Variants in ELMO1 observed in about 807,000 individuals in gnomAD.
ELMO1 encodes the protein engulfment and cell motility 1.
Under a neutral mutation model 98.9 loss-of-function variants are expected in ELMO1, and 26 were observed. That is an observed-to-expected ratio of 0.26 (90% confidence interval 0.19 to 0.36). The LOEUF is 0.36. Ranked by LOEUF, ELMO1 falls within the 10% of genes least tolerant of loss-of-function variation. The pLI, the probability that ELMO1 is intolerant of heterozygous loss-of-function variation, is 1.00. For synonymous variants in ELMO1, 346 were observed against 346.0 expected (o/e 1.00, Z 0.00); for missense variants, 627 against 935.2 (o/e 0.67, Z 4.30).
chr7:37,249,147 A>G (rs1795179947), intron 6 of ELMO1, among the ~76,000 whole-genome samples: 1 of 152,230 alleles, frequency 6.6e-6, no homozygotes, highest in African/African-American at 2.4e-5. Context: ...GCTATACCTC[A>G]GTTTTCACAA....
chr7:37,074,780 C>G (rs1293969317), intron 15 of ELMO1, among the ~76,000 whole-genome samples: 1 of 152,116 alleles, frequency 6.6e-6, no homozygotes, highest in Admixed American at 6.5e-5. Flanking sequence ...GGAGGTTTAG[C>G]TTGTTTAGGG....
chr7:36,894,580 A>G (rs1454843998), intron 17 of ELMO1, among the ~76,000 whole-genome samples: 2 of 152,190 alleles, frequency 1.3e-5, no homozygotes, highest in African/African-American at 4.8e-5. Context: ...AAAAGGTCCA[A>G]ACTTTTAATC....
intron 11 of ELMO1, 138 bp downstream of exon 11, chr7:37,216,507 T>C: frequency 2.0e-6 from 2 of 990,780 alleles, no homozygotes; most frequent in Non-Finnish European, 3.1e-6. Context: ...ACTCACTTTT[T>C]CCTTCATTAG....
chr7:37,173,502 T>C (rs1361856423), intron 13 of ELMO1, among the ~76,000 whole-genome samples: 1 of 152,176 alleles, frequency 6.6e-6, no homozygotes, highest in Non-Finnish European at 1.5e-5. Flanking sequence ...AATTAAGTAG[T>C]GAAGCTACAT....
intron 1 of ELMO1, among the ~76,000 whole-genome samples, chr7:37,413,789 T>C (rs1023189079): frequency 1.1e-4 from 16 of 152,264 alleles, no homozygotes; most frequent in African/African-American, 3.6e-4. Context: ...GCAATTCTTG[T>C]GCCTCCGCCG....
At chr7:37,171,674 A>C (rs62459309) in intron 13 of ELMO1, among the ~76,000 whole-genome samples, 1 of 151,380 alleles carries the variant, frequency 6.6e-6, no homozygotes, top group Admixed American at 6.6e-5. Context: ...TTGTATTTTT[A>C]GTGGAGACGG....
chr7:36,964,716 ACTTC>A (rs1562861678), intron 16 of ELMO1, among the ~76,000 whole-genome samples: 1 of 152,172 alleles, frequency 6.6e-6, no homozygotes, highest in Non-Finnish European at 1.5e-5. Context: ...CAGTTAACCT[ACTTC>A]CTTCCTCCTC....
intron 1 of ELMO1, among the ~76,000 whole-genome samples, chr7:37,346,575 C>T (rs1016827767): frequency 1.8e-4 from 27 of 152,134 alleles, no homozygotes; most frequent in South Asian, 6.2e-4. Context: ...AAGAACAATG[C>T]GTTTTATCTG....
At chr7:37,197,752 A>C (rs1792057797) in intron 13 of ELMO1, among the ~76,000 whole-genome samples, 2 of 152,176 alleles carry the variant, frequency 1.3e-5, no homozygotes, top group African/African-American at 2.4e-5. Flanking sequence ...GGGTGCTTTG[A>C]TATGATCCTA....
chr7:37,220,934 C>G (rs1404932494), intron 10 of ELMO1, among the ~76,000 whole-genome samples: 1 of 152,166 alleles, frequency 6.6e-6, no homozygotes, highest in Non-Finnish European at 1.5e-5. Flanking sequence ...GCAGAAGGAC[C>G]CCGTTGCTCC....
chr7:37,441,374 G>C (rs529498110), intron 1 of ELMO1, among the ~76,000 whole-genome samples: 3 of 152,176 alleles, frequency 2.0e-5, no homozygotes, highest in Non-Finnish European at 4.4e-5. Flanking sequence ...GCAAGATTAG[G>C]ACAGAAATCT....
chr7:37,327,164 T>C (rs901188654), intron 2 of ELMO1, among the ~76,000 whole-genome samples: 4 of 152,250 alleles, frequency 2.6e-5, no homozygotes, highest in African/African-American at 7.2e-5. Context: ...AGAAGGCCAC[T>C]GCACTCCACC....
At chr7:37,238,030 C>T (rs1794572378) in intron 7 of ELMO1, among the ~76,000 whole-genome samples, 1 of 152,192 alleles carries the variant, frequency 6.6e-6, no homozygotes, top group Non-Finnish European at 1.5e-5. Context: ...CCACACATTA[C>T]CAGTGGTTTT....
At chr7:37,261,991 C>T (rs1309443165) in intron 5 of ELMO1, among the ~76,000 whole-genome samples, 1 of 152,094 alleles carries the variant, frequency 6.6e-6, no homozygotes, top group African/African-American at 2.4e-5. Context: ...AATGTGCTTG[C>T]CCTTTTAAAA....
At chr7:36,942,488 G>T (rs1418638036) in intron 16 of ELMO1, among the ~76,000 whole-genome samples, 1 of 152,204 alleles carries the variant, frequency 6.6e-6, no homozygotes, top group Non-Finnish European at 1.5e-5. Context: ...TCTGTCTCAG[G>T]AGACAGGTGG....
intron 18 of ELMO1, among the ~76,000 whole-genome samples, chr7:36,884,321 A>G (rs1328925863): frequency 6.6e-6 from 1 of 152,070 alleles, no homozygotes; most frequent in Admixed American, 6.6e-5. Context: ...TCTCAAAAAA[A>G]AAAAAAAAAT....
At chr7:36,940,240 C>T (rs1181109129) in intron 16 of ELMO1, among the ~76,000 whole-genome samples, 1 of 152,210 alleles carries the variant, frequency 6.6e-6, no homozygotes, top group Non-Finnish European at 1.5e-5. Context: ...TACAGTCACA[C>T]TGGGGCAAAT....
chr7:36,862,364 G>T (rs896638636), intron 20 of ELMO1, among the ~76,000 whole-genome samples: 8 of 152,230 alleles, frequency 5.3e-5, no homozygotes, highest in Non-Finnish European at 7.3e-5. Context: ...AGCAGAGACT[G>T]CAAGGTATAA....
At chr7:37,392,039 C>A (rs902043255) in intron 1 of ELMO1, among the ~76,000 whole-genome samples, 2 of 152,200 alleles carry the variant, frequency 1.3e-5, no homozygotes, top group Admixed American at 6.5e-5. Flanking sequence ...ACACACTGTT[C>A]TCAAATGAGA....
Sources: allele counts gnomAD v4.1 joint callset (sites outside exome capture counted in the v4.1 genomes callset), GRCh38; gene constraint gnomAD v4.1.1; transcripts MANE v1.5; gene names NCBI Gene and HGNC (gene_info 2026-07-23, HGNC 2026-07-21).